Variants in STOX2 observed in about 807,000 individuals in gnomAD.
The protein encoded by STOX2 is storkhead-box protein 2.
A neutral mutation model predicts 60.9 loss-of-function variants in STOX2; 28 were observed. The ratio of observed to expected loss-of-function variants is 0.46; its 90% CI spans 0.34 to 0.63. The LOEUF (loss-of-function observed/expected upper bound fraction) is 0.63. Among genes scored for constraint, STOX2 ranks in the 30% least tolerant of loss-of-function variants. The probability of loss-of-function intolerance (pLI) is 0.01; values close to 1 mark genes in which losing one functional copy is unlikely to be tolerated. For synonymous variants in STOX2, 472 were observed against 463.9 expected (o/e 1.02, Z -0.22); for missense variants, 1,024 against 1,187.7 (o/e 0.86, Z 2.03).
At chr4:184,006,523 G>A (rs1733833382) in intron 2 of STOX2, among the ~76,000 whole-genome samples, 1 of 151,442 alleles carries the variant, frequency 6.6e-6, no homozygotes, top group Non-Finnish European at 1.5e-5. Context: ...CAACCTGGGG[G>A]GCAACATGGA....
chr4:184,010,083 A>T lies in STOX2; in HGVS notation c.1245A>T (p.Glu415Asp). The T allele has an allele frequency of 6.2e-7, 1 of 1,609,238 alleles. No individual in the cohort carries two copies. The highest frequency in any genetic ancestry group is 8.5e-7 in the Non-Finnish European group (1 of 1,177,668). The change falls in exon 3 of 4, where the codon GAA becomes GAT. Residue 415 changes from glutamate (E) to aspartate (D), a missense_variant. Glu to Asp is a conservative substitution (Grantham distance 45). Around this residue, in one of 3 missense-constraint regions of STOX2, gnomAD observed 922 missense variants for 1,058.3 expected, o/e 0.87. Coordinates refer to ENST00000308497, the MANE Select transcript of STOX2 (RefSeq NM_020225.3). The surrounding 1 kb of genome is among the most constrained non-coding windows in gnomAD (Gnocchi z 4.5). ...RVPREGCFII[E>D]HKGDNFIMHS... ...CCAGGGAGGGCTGCTTCATCATTGA[A>T]CACAAAGGAGATAACTTCATCATGC...
In STOX2 at chr4:184,011,201, A is replaced by G. The variant is rs201064964; in HGVS notation, c.2363A>G (p.Lys788Arg). 1.2e-6 allele frequency: 2 copies of G among 1,602,778 alleles called. No homozygotes were observed. The highest frequency in any genetic ancestry group is 1.3e-5 in the African/African-American group (1 of 74,338). ...DDDDSEEGAN[K>R]NTEEEKNRED... is the part of the protein sequence containing the mutation. ...GACGACTCTGAGGAAGGGGCAAACAAGAACACAGAGGAGGAGAAAAATAGA... is the reference window on the plus strand; with the variant it reads ...GACGACTCTGAGGAAGGGGCAAACAGGAACACAGAGGAGGAGAAAAATAGA... Residue 788 changes from lysine to arginine, a missense_variant, in exon 3 of 4, where the codon AAG becomes AGG. Physicochemically the swap from Lys to Arg is conservative, Grantham distance 26. Around this residue, in one of 3 missense-constraint regions of STOX2, gnomAD observed 922 missense variants for 1,058.3 expected, o/e 0.87. Transcript: ENST00000308497. The surrounding 1 kb of genome is among the most constrained non-coding windows in gnomAD (Gnocchi z 4.4).
At chr4:184,008,091 C>CA (rs1293967161) in intron 2 of STOX2, among the ~76,000 whole-genome samples, 1 of 152,176 alleles carries the variant, frequency 6.6e-6, no homozygotes, top group Admixed American at 6.5e-5. Flanking sequence ...GAACCACATG[C>CA]AACTGCCATT....
At chr4:183,839,642 G>C (rs1739803765) in intron 1 of STOX2, among the ~76,000 whole-genome samples, 1 of 152,214 alleles carries the variant, frequency 6.6e-6, no homozygotes, top group Non-Finnish European at 1.5e-5. Context: ...AAGTAATAGA[G>C]TGAGTGAATG....
rs548923569 is a variant in STOX2 at position 183,857,954 on chromosome 4, C to G, written c.364+59899C>G. 6.6e-5 allele frequency among the ~76,000 whole-genome samples: 10 copies of G among 152,324 alleles called. No homozygotes were observed. In the South Asian group the frequency reaches 1.9e-3, roughly 28 times the overall value. ...AGTCATTCACTTCTCAAACATTTAT[C>G]GAGTGCCTTTTATACCCCAGGAACT... is the stretch of plus-strand genomic sequence containing the variant. On this transcript the variant is annotated intron_variant, in intron 1 of 2. Coordinates refer to the STOX2 transcript ENST00000513034.
chr4:183,841,919 A>AT (rs1362332398), intron 1 of STOX2, among the ~76,000 whole-genome samples: 6 of 152,226 alleles, frequency 3.9e-5, no homozygotes, highest in African/African-American at 1.4e-4. Context: ...GGAAAAAAAA[A>AT]CTTGACTGTG....
At chr4:183,893,610 T>G (rs1190765343) in intron 1 of STOX2, among the ~76,000 whole-genome samples, 1 of 151,490 alleles carries the variant, frequency 6.6e-6, no homozygotes, top group Non-Finnish European at 1.5e-5. Context: ...ATTTTACATA[T>G]AAAATACACT....
intron 1 of STOX2, among the ~76,000 whole-genome samples, chr4:183,847,181 T>C (rs189736918): frequency 2.0e-5 from 3 of 152,326 alleles, no homozygotes; most frequent in African/African-American, 7.2e-5. Context: ...GTGCAGAGCC[T>C]GAAAGTCAGG....
chr4:183,841,347 T>G (rs1368910196), intron 1 of STOX2, among the ~76,000 whole-genome samples: 1 of 151,964 alleles, frequency 6.6e-6, no homozygotes, highest in Non-Finnish European at 1.5e-5. Flanking sequence ...GTACTGTAGG[T>G]GCATGCCACC....
chr4:183,978,798 C>T (rs372653066), intron 1 of STOX2, among the ~76,000 whole-genome samples: 70 of 152,144 alleles, frequency 4.6e-4, no homozygotes, highest in African/African-American at 1.4e-3. Context: ...TCCAGGGATT[C>T]GAAGTGTGTA....
Position 183,906,484 on chromosome 4 carries a change from C to T in STOX2, c.-307C>T, listed in dbSNP as rs1295142169. On this transcript the variant is annotated 5_prime_UTR_variant, in exon 1 of 4. Transcript: ENST00000308497. Reference sequence around the variant, plus strand: ...ACCCCGCCCGCCCCCTCCCCGCCTCCTCCCGGCCGGGGAGCCTCCTAACGT... The same window carrying T: ...ACCCCGCCCGCCCCCTCCCCGCCTCTTCCCGGCCGGGGAGCCTCCTAACGT... 1 of 165,462 alleles carries T rather than the reference C, an allele frequency of 6.0e-6. No homozygotes were observed. Among genetic ancestry groups the T allele is most frequent in the East Asian group, 1.6e-4 (1 of 6,164 alleles). 10.2% of individuals were successfully genotyped at this position (165,462 alleles called of 1,614,324 possible).
At chr4:183,987,371 A>G (rs1424744389) in intron 1 of STOX2, among the ~76,000 whole-genome samples, 2 of 152,048 alleles carry the variant, frequency 1.3e-5, no homozygotes, top group Non-Finnish European at 2.9e-5. Flanking sequence ...GTGTAAATGC[A>G]TGTCCGCAGG....
chr4:183,895,949 A>G (rs1741331225), intron 1 of STOX2, among the ~76,000 whole-genome samples: 1 of 152,186 alleles, frequency 6.6e-6, no homozygotes, highest in Admixed American at 6.5e-5. Flanking sequence ...GAAGATGGAA[A>G]GTCTTTCAGA....
rs571102394 is a variant in STOX2, at chr4:183,925,009, CA to C, written c.166+18057del. On this transcript the variant is annotated intron_variant, in intron 1 of 3. Coordinates refer to ENST00000308497, the MANE Select transcript of STOX2 (RefSeq NM_020225.3). The stretch of plus-strand genomic sequence containing the variant: ...CATGTAGCGGTCTATAATCTGAGTG[CA>C]AAAGTGGGAGTACCAAACATTTGGA... Among the ~76,000 whole-genome samples, 262 of 152,198 alleles carry C rather than the reference CA, an allele frequency of 1.7e-3. 1 individual carries two copies. Among genetic ancestry groups the C allele is most frequent in the Non-Finnish European group, 1.6e-3 (107 of 68,000 alleles).
At chr4:183,906,999 G>A in intron 1 of STOX2, 43 bp downstream of exon 1, 3 of 1,474,770 alleles carry the variant, frequency 2.0e-6, no homozygotes, top group Non-Finnish European at 1.8e-6. Context: ...CGGGGCCGCG[G>A]GACGTGCTCG....
In STOX2 at chr4:183,989,504, G is replaced by A. The variant is rs114820274; in HGVS notation, c.167-11821G>A. Among the ~76,000 whole-genome samples, 1,362 of 152,104 alleles carry A rather than the reference G, an allele frequency of 9.0e-3. 25 individuals are homozygous for A. Among genetic ancestry groups the A allele is most frequent in the African/African-American group, 0.031 (1,270 of 41,506 alleles). ...GGCGTGAGCCACTGTGCCCGGCCTC[G>A]ACATTTTTTCTTACCAATTAATATA... is the stretch of plus-strand genomic sequence containing the variant. On this transcript the variant is annotated intron_variant, in intron 1 of 3. Coordinates refer to ENST00000308497, the MANE Select transcript of STOX2 (RefSeq NM_020225.3).
intron 1 of STOX2, among the ~76,000 whole-genome samples, chr4:184,000,223 A>T (rs1409641072): frequency 2.0e-5 from 3 of 152,104 alleles, no homozygotes; most frequent in Non-Finnish European, 4.4e-5. Context: ...AATTCTAGGG[A>T]TCCTTGGAGC....
chr4:183,799,641 A>T (rs1738715512), intron 1 of STOX2, among the ~76,000 whole-genome samples: 1 of 134,776 alleles, frequency 7.4e-6, no homozygotes, highest in Admixed American at 8.2e-5. Context: ...TACTGCATTT[A>T]TACCCCCATC....
intron 2 of STOX2, among the ~76,000 whole-genome samples, chr4:184,007,045 A>AAC (rs1553987517): frequency 0.015 from 1,775 of 118,246 alleles, 174 homozygotes; most frequent in African/African-American, 0.052. Context: ...AAACAAAAAA[A>AAC]AAATTTTGTT....
Sources: gnomAD v4.1 joint callset for allele counts (sites outside exome capture counted in the v4.1 genomes callset) on GRCh38, gnomAD v4.1.1 for gene constraint, gnomAD v4.1.1 regional missense constraint, Gnocchi (gnomAD v3.1) non-coding constraint, MANE v1.5 for transcripts, NCBI Gene and HGNC (gene_info 2026-07-23, HGNC 2026-07-21) for gene names.